Variants in SIK3 observed in about 807,000 individuals in gnomAD.
SIK3 encodes the protein serine/threonine-protein kinase SIK3.
In SIK3, 28 loss-of-function variants were observed where a neutral mutation model predicts 144.2. That is an observed-to-expected ratio of 0.19 (90% confidence interval 0.14 to 0.27). The LOEUF (loss-of-function observed/expected upper bound fraction) is 0.27, where lower values mean the gene tolerates loss of function less well. SIK3 is among the 10% of genes least tolerant of loss of function. The probability of loss-of-function intolerance (pLI) is 1.00; values close to 1 mark genes in which losing one functional copy is unlikely to be tolerated. For missense variants in SIK3, 1,319 were observed against 1,776.0 expected (o/e 0.74, Z 4.62); for synonymous variants, 686 against 676.3 (o/e 1.01, Z -0.22).
intron 1 of SIK3, among the ~76,000 whole-genome samples, chr11:117,067,841 G>T (rs912225799): frequency 6.6e-6 from 1 of 151,970 alleles, no homozygotes; most frequent in African/African-American, 2.4e-5. Flanking sequence ...ACAAAAATTA[G>T]CTGGGCATGG....
chr11:117,055,009 A>G (rs909020125), intron 1 of SIK3, among the ~76,000 whole-genome samples: 4 of 152,230 alleles, frequency 2.6e-5, no homozygotes, highest in African/African-American at 9.6e-5. Context: ...TACTTTTACA[A>G]GAATTATCTC....
intron 1 of SIK3, among the ~76,000 whole-genome samples, chr11:117,033,723 A>G (rs75822924): frequency 6.6e-6 from 1 of 151,060 alleles, no homozygotes; most frequent in African/African-American, 2.4e-5. Flanking sequence ...AAAAAAAAAA[A>G]AGAAAGAAAA....
intron 21 of SIK3, chr11:116,856,831 T>C (rs117910440): frequency 0.025 from 3,828 of 152,376 alleles, 87 homozygotes; most frequent in South Asian, 0.11. Context: ...GGCTGAGTTT[T>C]CAGCACTGAC....
chr11:117,033,452 A>G, intron 1 of SIK3, among the ~76,000 whole-genome samples: 1 of 152,238 alleles, frequency 6.6e-6, no homozygotes, highest in Non-Finnish European at 1.5e-5. Flanking sequence ...CTGTAATTCC[A>G]GCACTTTGGG....
chr11:116,925,594 T>A (rs1162608099), intron 4 of SIK3, among the ~76,000 whole-genome samples: 1 of 152,248 alleles, frequency 6.6e-6, no homozygotes, highest in Non-Finnish European at 1.5e-5. Flanking sequence ...TTCCAAGTCA[T>A]TAAGTTTGTG....
chr11:116,990,470 C>T (rs1220627410), intron 1 of SIK3, among the ~76,000 whole-genome samples: 1 of 152,174 alleles, frequency 6.6e-6, no homozygotes, highest in South Asian at 2.1e-4. Flanking sequence ...AGCAACAAAT[C>T]TGAACTCAGA....
intron 1 of SIK3, among the ~76,000 whole-genome samples, chr11:116,961,314 T>C (rs1381450340): frequency 6.6e-6 from 1 of 152,068 alleles, no homozygotes; most frequent in African/African-American, 2.4e-5. Flanking sequence ...AGCTGCAAAC[T>C]GGAAAGTGGG....
At chr11:117,096,771 T>C (rs1955493401) in intron 1 of SIK3, among the ~76,000 whole-genome samples, 1 of 152,008 alleles carries the variant, frequency 6.6e-6, no homozygotes. Flanking sequence ...GAACTTCAGG[T>C]TGCAAGTGAT....
intron 1 of SIK3, among the ~76,000 whole-genome samples, chr11:117,053,482 T>C (rs1953359958): frequency 6.6e-6 from 1 of 152,132 alleles, no homozygotes; most frequent in Non-Finnish European, 1.5e-5. Context: ...ATTAATTCAC[T>C]TAACCCTCAC....
intron 1 of SIK3, among the ~76,000 whole-genome samples, chr11:117,069,289 G>A (rs977086074): frequency 1.3e-5 from 2 of 151,716 alleles, no homozygotes; most frequent in African/African-American, 4.8e-5. Flanking sequence ...AGCCAGCTTA[G>A]ACAGTTATAA....
At chr11:117,026,135 T>C (rs1951999904) in intron 1 of SIK3, among the ~76,000 whole-genome samples, 2 of 152,206 alleles carry the variant, frequency 1.3e-5, no homozygotes, top group Non-Finnish European at 2.9e-5. Flanking sequence ...TGTAAGATGA[T>C]AACGCTGTAT....
intron 1 of SIK3, among the ~76,000 whole-genome samples, chr11:117,093,836 G>A (rs1801973389): frequency 6.6e-6 from 1 of 151,948 alleles, no homozygotes; most frequent in South Asian, 2.1e-4. Context: ...TCGTCAGGAT[G>A]GCATCTACCT....
At chr11:116,958,465 G>GATT (rs1949227193) in intron 1 of SIK3, among the ~76,000 whole-genome samples, 1 of 152,132 alleles carries the variant, frequency 6.6e-6, no homozygotes, top group South Asian at 2.1e-4. Flanking sequence ...GAGCTACAAG[G>GATT]ATTAATCAGA....
chr11:117,050,220 CG>C (rs139130245), intron 1 of SIK3, among the ~76,000 whole-genome samples: 6,203 of 151,740 alleles, frequency 0.041, 257 homozygotes, highest in African/African-American at 0.099. Flanking sequence ...ACCTGGGAGA[CG>C]GAAGTTGCAG....
At chr11:116,873,375 A>T in intron 13 of SIK3, 106 bp downstream of exon 13, 1 of 1,462,632 alleles carries the variant, frequency 6.8e-7, no homozygotes, top group Non-Finnish European at 9.4e-7. Context: ...TTGGAGAAAA[A>T]GGAAATTCAG....
At chr11:116,884,273 A>C (rs1483024848) in intron 6 of SIK3, among the ~76,000 whole-genome samples, 1 of 151,592 alleles carries the variant, frequency 6.6e-6, no homozygotes, top group East Asian at 1.9e-4. Flanking sequence ...TGTAGCCTCG[A>C]ACCCCTGGGC....
intron 4 of SIK3, among the ~76,000 whole-genome samples, chr11:116,910,244 A>G (rs1009455930): frequency 2.0e-5 from 3 of 152,154 alleles, no homozygotes; most frequent in Non-Finnish European, 2.9e-5. Context: ...AACGAAGAAC[A>G]CTAAAAAAAA....
chr11:117,076,687 A>G (rs905751093), intron 1 of SIK3, among the ~76,000 whole-genome samples: 1 of 151,848 alleles, frequency 6.6e-6, no homozygotes, highest in Non-Finnish European at 1.5e-5. Flanking sequence ...TAATTACCAT[A>G]CCCGGCTAAT....
intron 4 of SIK3, among the ~76,000 whole-genome samples, chr11:116,909,588 C>T (rs1946229768): frequency 6.6e-6 from 1 of 152,164 alleles, no homozygotes; most frequent in African/African-American, 2.4e-5. Flanking sequence ...AGAATAGCTC[C>T]TTTTCCTCCT....
Sources: gnomAD v4.1 joint callset for allele counts (sites outside exome capture counted in the v4.1 genomes callset) on GRCh38, gnomAD v4.1.1 for gene constraint, MANE v1.5 for transcripts, NCBI Gene and HGNC (gene_info 2026-07-23, HGNC 2026-07-21) for gene names.